The following LRRC4C variants were observed in gnomAD, a reference collection of about 807,000 sequenced individuals.
LRRC4C encodes the protein leucine-rich repeat-containing protein 4C.
LRRC4C carries 5 observed loss-of-function variants against 33.6 expected under a neutral mutation model. The ratio of observed to expected loss-of-function variants is 0.15; its 90% CI spans 0.08 to 0.31. The LOEUF (loss-of-function observed/expected upper bound fraction) is 0.31, where lower values mean the gene tolerates loss of function less well. Among genes scored for constraint, LRRC4C ranks in the 10% least tolerant of loss-of-function variants. The pLI is 1.00. For synonymous variants in LRRC4C, 329 were observed against 302.0 expected, an observed-to-expected ratio of 1.09 and a Z score of -0.93; for missense variants, 560 against 796.7, an observed-to-expected ratio of 0.70 and a Z score of 3.58.
In LRRC4C at chr11:40,229,137, T is replaced by C. The variant is rs1164498711; in HGVS notation, c.-96+12382A>G. ...AATTTAATCTTCTCTTTTTTCTACC[T>C]ATTCAAGGAATAATTGTCTTCTTTA... is the stretch of plus-strand genomic sequence containing the variant. On this transcript the variant is annotated intron_variant, in intron 5 of 6. Transcript: ENST00000528697. 2.6e-5 allele frequency among the ~76,000 whole-genome samples: 4 copies of C among 152,358 alleles called. No homozygotes were observed. In the East Asian group the frequency reaches 5.8e-4, roughly 22 times the overall value.
intron 1 of LRRC4C, among the ~76,000 whole-genome samples, chr11:41,130,693 A>G (rs1942970733): frequency 6.6e-6 from 1 of 152,070 alleles, no homozygotes; most frequent in African/African-American, 2.4e-5. Flanking sequence ...TGTTTCATAG[A>G]AAGCTTAGGC....
chr11:40,570,165 A>G (rs926435880), intron 3 of LRRC4C, among the ~76,000 whole-genome samples: 4 of 152,152 alleles, frequency 2.6e-5, no homozygotes, highest in Non-Finnish European at 1.5e-5. Context: ...AACATGTACC[A>G]AAATAGTACA....
chr11:41,041,759 T>A (rs1857454119), intron 1 of LRRC4C, among the ~76,000 whole-genome samples: 1 of 152,096 alleles, frequency 6.6e-6, no homozygotes. Flanking sequence ...ACTAACAGAC[T>A]GGAAGCCTAC....
At chr11:40,718,493 C>T (rs1475504219) in intron 2 of LRRC4C, among the ~76,000 whole-genome samples, 1 of 152,040 alleles carries the variant, frequency 6.6e-6, no homozygotes, top group Non-Finnish European at 1.5e-5. Context: ...AGCTGAGGCG[C>T]TAAAGGAATT....
chr11:40,780,861 T>C (rs1284776008), intron 2 of LRRC4C, among the ~76,000 whole-genome samples: 1 of 150,506 alleles, frequency 6.6e-6, no homozygotes, highest in Non-Finnish European at 1.5e-5. Flanking sequence ...GGTGAAGAGG[T>C]CTAGGGAGTG....
chr11:40,351,417 T>C (rs2137084012), intron 3 of LRRC4C: 2 of 152,214 alleles, frequency 1.3e-5, no homozygotes, highest in South Asian at 2.1e-4. Context: ...TTAGGTCCTT[T>C]AGGTCTATAG....
At chr11:40,505,760 T>A (rs1043876646) in intron 3 of LRRC4C, among the ~76,000 whole-genome samples, 6 of 152,142 alleles carry the variant, frequency 3.9e-5, no homozygotes, top group African/African-American at 1.4e-4. Flanking sequence ...AAGTTATTAT[T>A]TCAAAGAGGA....
intron 1 of LRRC4C, among the ~76,000 whole-genome samples, chr11:41,450,702 G>A (rs1024092487): frequency 3.3e-5 from 5 of 152,106 alleles, no homozygotes; most frequent in Admixed American, 2.0e-4. Context: ...CAGCTATTGT[G>A]TCAATTTTGT....
intron 2 of LRRC4C, among the ~76,000 whole-genome samples, chr11:40,916,895 T>C (rs1401347718): frequency 3.9e-5 from 6 of 152,092 alleles, no homozygotes. Context: ...CAATGTTACA[T>C]GAATTTATGC....
At chr11:40,117,344 A>C (rs1375652344) in intron 6 of LRRC4C, among the ~76,000 whole-genome samples, 1 of 152,188 alleles carries the variant, frequency 6.6e-6, no homozygotes, top group Non-Finnish European at 1.5e-5. Flanking sequence ...ACTTCTAGAG[A>C]TTCTCATATA....
intron 3 of LRRC4C, among the ~76,000 whole-genome samples, chr11:40,415,469 C>T (rs1950294136): frequency 6.6e-6 from 1 of 152,124 alleles, no homozygotes; most frequent in Non-Finnish European, 1.5e-5. Context: ...CACAGAATTC[C>T]AGCAGACCTG....
intron 3 of LRRC4C, among the ~76,000 whole-genome samples, chr11:40,424,773 AC>A (rs1331596757): frequency 6.6e-6 from 1 of 152,244 alleles, no homozygotes; most frequent in Non-Finnish European, 1.5e-5. Flanking sequence ...TTGACTAGGC[AC>A]AAAATATTTT....
chr11:41,341,942 A>T (rs1426326999), intron 1 of LRRC4C, among the ~76,000 whole-genome samples: 1 of 152,176 alleles, frequency 6.6e-6, no homozygotes, highest in Non-Finnish European at 1.5e-5. Flanking sequence ...CTGGTTATTG[A>T]TAGTTAAGAA....
chr11:41,324,807 T>A (rs1020508052), intron 1 of LRRC4C, among the ~76,000 whole-genome samples: 4 of 152,234 alleles, frequency 2.6e-5, no homozygotes, highest in African/African-American at 9.6e-5. Flanking sequence ...TGTACACCTA[T>A]GAATGCATCT....
chr11:40,187,255 G>A (rs532409162), intron 5 of LRRC4C, among the ~76,000 whole-genome samples: 1 of 151,930 alleles, frequency 6.6e-6, no homozygotes, highest in South Asian at 2.1e-4. Context: ...CTGCTCGGGA[G>A]CAGCAGAGGC....
intron 2 of LRRC4C, among the ~76,000 whole-genome samples, chr11:40,818,354 A>G (rs77196073): frequency 0.01 from 1,528 of 152,168 alleles, 24 homozygotes; most frequent in African/African-American, 0.034. Flanking sequence ...TATATATCCA[A>G]TTATTGGCTC....
chr11:40,611,923 G>A (rs1184887525), intron 3 of LRRC4C, among the ~76,000 whole-genome samples: 6 of 150,686 alleles, frequency 4.0e-5, no homozygotes, highest in African/African-American at 4.9e-5. Flanking sequence ...ACTCTTTTAC[G>A]TTAGGGGAGA....
chr11:41,382,820 C>T (rs1257687029), intron 1 of LRRC4C, among the ~76,000 whole-genome samples: 1 of 152,116 alleles, frequency 6.6e-6, no homozygotes, highest in Non-Finnish European at 1.5e-5. Flanking sequence ...TAGAGGACGT[C>T]TCTGGTGTGG....
At chr11:40,671,923 A>G (rs967668476) in intron 2 of LRRC4C, among the ~76,000 whole-genome samples, 1 of 152,130 alleles carries the variant, frequency 6.6e-6, no homozygotes, top group Non-Finnish European at 1.5e-5. Context: ...CTTTCTAAGC[A>G]TATAGCAGGT....
Sources: allele counts gnomAD v4.1 joint callset (sites outside exome capture counted in the v4.1 genomes callset), GRCh38; gene constraint gnomAD v4.1.1; transcripts MANE v1.5; gene names NCBI Gene and HGNC (gene_info 2026-07-23, HGNC 2026-07-21).